Variants in KIAA0825 observed in about 807,000 individuals in gnomAD.
The protein encoded by KIAA0825 is KIAA0825, also known as uncharacterized protein KIAA0825.
A neutral mutation model predicts 147.6 loss-of-function variants in KIAA0825; 119 were observed. That is an observed-to-expected ratio of 0.81 (90% CI 0.69 to 0.94). The LOEUF (loss-of-function observed/expected upper bound fraction) is 0.94, where lower values mean the gene tolerates loss of function less well. KIAA0825 is among the 40% of genes least tolerant of loss of function. The pLI is 0.00. For missense variants in KIAA0825, 1,381 were observed against 1,472.7 expected (o/e 0.94, Z 1.02); for synonymous variants, 470 against 518.1 (o/e 0.91, Z 1.26).
chr5:94,431,606 C>A (rs1163002477), intron 14 of KIAA0825, among the ~76,000 whole-genome samples: 3 of 152,092 alleles, frequency 2.0e-5, no homozygotes, highest in Non-Finnish European at 4.4e-5. Flanking sequence ...AACATTTATG[C>A]TAAAAGGTGA....
At chr5:94,246,643 T>A (rs1775629724) in intron 20 of KIAA0825, among the ~76,000 whole-genome samples, 1 of 152,190 alleles carries the variant, frequency 6.6e-6, no homozygotes, top group Non-Finnish European at 1.5e-5. Flanking sequence ...TGGTGATCAC[T>A]CCATAGCTAT....
At position 94,437,256 on chromosome 5, in the gene KIAA0825, T is replaced by G. The variant is rs1371082836; in HGVS notation, c.2497+2726A>C. On this transcript the variant is annotated intron_variant, in intron 14 of 20. Transcript: ENST00000682413. Reference sequence around the variant, plus strand: ...CATAATAATTTCTATATTAGTATAATTAACAAGATTCCATGAATATATTGT... The same window carrying G: ...CATAATAATTTCTATATTAGTATAAGTAACAAGATTCCATGAATATATTGT... Among the ~76,000 whole-genome samples, 4 of 152,208 alleles carry G rather than the reference T, an allele frequency of 2.6e-5. No homozygotes were observed. The East Asian group carries it at 7.7e-4, about 29-fold the overall frequency.
intron 5 of KIAA0825, among the ~76,000 whole-genome samples, chr5:94,499,148 T>C (rs1764729309): frequency 6.6e-6 from 1 of 152,024 alleles, no homozygotes; most frequent in African/African-American, 2.4e-5. Flanking sequence ...TGCTCCAGGG[T>C]GGAGCTGGGA....
At chr5:94,450,527 G>A (rs993428634) in intron 13 of KIAA0825, among the ~76,000 whole-genome samples, 10 of 151,818 alleles carry the variant, frequency 6.6e-5, no homozygotes, top group African/African-American at 2.4e-4. Context: ...CCAGCATCTG[G>A]TGAGGCCATC....
chr5:94,220,342 A>C (rs1773571637), intron 20 of KIAA0825, among the ~76,000 whole-genome samples: 1 of 152,128 alleles, frequency 6.6e-6, no homozygotes, highest in Non-Finnish European at 1.5e-5. Context: ...GGATCCACCT[A>C]AGGCTGTTTT....
intron 20 of KIAA0825, among the ~76,000 whole-genome samples, chr5:94,165,209 A>G (rs1475072087): frequency 6.6e-6 from 1 of 152,224 alleles, no homozygotes; most frequent in African/African-American, 2.4e-5. Context: ...AGATTTGAAT[A>G]GAAATTTTTC....
At chr5:94,250,568 T>G (rs1286719103) in intron 20 of KIAA0825, among the ~76,000 whole-genome samples, 1 of 152,102 alleles carries the variant, frequency 6.6e-6, no homozygotes, top group Non-Finnish European at 1.5e-5. Context: ...TAACCTTGGT[T>G]GAATTAACCG....
At chr5:94,359,747 T>C (rs1233510214) in intron 20 of KIAA0825, among the ~76,000 whole-genome samples, 1 of 152,178 alleles carries the variant, frequency 6.6e-6, no homozygotes, top group African/African-American at 2.4e-5. Context: ...AATGGGAAAA[T>C]TAAGATTTCT....
chr5:94,177,964 A>C (rs1769258309), intron 20 of KIAA0825, among the ~76,000 whole-genome samples: 1 of 152,094 alleles, frequency 6.6e-6, no homozygotes, highest in Non-Finnish European at 1.5e-5. Flanking sequence ...TGAATTAATA[A>C]ATGGCAGTAT....
chr5:94,240,896 C>CATTGCTA (rs2150103932), intron 20 of KIAA0825, among the ~76,000 whole-genome samples: 1 of 152,210 alleles, frequency 6.6e-6, no homozygotes, highest in African/African-American at 2.4e-5. Context: ...TAATTTTGGT[C>CATTGCTA]ATTGCTATTG....
At chr5:94,522,874 T>A (rs1421226925) in intron 4 of KIAA0825, among the ~76,000 whole-genome samples, 1 of 151,708 alleles carries the variant, frequency 6.6e-6, no homozygotes, top group Non-Finnish European at 1.5e-5. Context: ...GCGTTTGCTT[T>A]TAATTAAATG....
At chr5:94,297,509 A>G (rs1220235010) in intron 20 of KIAA0825, among the ~76,000 whole-genome samples, 1 of 152,160 alleles carries the variant, frequency 6.6e-6, no homozygotes, top group Non-Finnish European at 1.5e-5. Context: ...TACTGTTTTT[A>G]TTGACATTAT....
Position 94,471,453 on chromosome 5 carries a change from A to T in KIAA0825, c.1721+13T>A. The T allele has an allele frequency of 6.4e-7, 1 of 1,550,448 alleles. No homozygotes were observed. Among genetic ancestry groups the T allele is most frequent in the Non-Finnish European group, 8.7e-7 (1 of 1,145,970 alleles). On this transcript the variant is annotated intron_variant, in intron 9 of 20. Transcript: ENST00000682413. Reference sequence around the variant, plus strand: ...TTAAGCGTGGCCATCATCTTAATTTAAACAACACTCACTTTTTAGTCATTT... The same window carrying T: ...TTAAGCGTGGCCATCATCTTAATTTTAACAACACTCACTTTTTAGTCATTT...
chr5:94,590,863 C>T (rs1784227167), intron 1 of KIAA0825, among the ~76,000 whole-genome samples: 1 of 151,936 alleles, frequency 6.6e-6, no homozygotes. Flanking sequence ...ATAATAAAAA[C>T]AGTTTCTTTA....
chr5:94,179,372 T>C (rs1769394452), intron 20 of KIAA0825, among the ~76,000 whole-genome samples: 2 of 151,974 alleles, frequency 1.3e-5, no homozygotes, highest in Non-Finnish European at 2.9e-5. Context: ...CAAAGCAACA[T>C]TGAAGGGAAT....
intron 10 of KIAA0825, among the ~76,000 whole-genome samples, chr5:94,467,965 G>T (rs957308626): frequency 1.3e-5 from 2 of 151,970 alleles, no homozygotes; most frequent in African/African-American, 4.8e-5. Flanking sequence ...TCTTATTTTT[G>T]ATACACAAAA....
intron 20 of KIAA0825, among the ~76,000 whole-genome samples, chr5:94,231,227 G>C (rs552406583): frequency 6.6e-6 from 1 of 151,998 alleles, no homozygotes; most frequent in Non-Finnish European, 1.5e-5. Flanking sequence ...TCTCAACAGG[G>C]CATCAAGGTA....
At chr5:94,439,287 C>T (rs1166297384) in intron 14 of KIAA0825, among the ~76,000 whole-genome samples, 17 of 151,956 alleles carry the variant, frequency 1.1e-4, no homozygotes, top group African/African-American at 4.8e-5. Context: ...GCTTGTGGTA[C>T]GTAATAGGAG....
At chr5:94,596,233 T>G (rs1225708634) in intron 1 of KIAA0825, among the ~76,000 whole-genome samples, 1 of 152,232 alleles carries the variant, frequency 6.6e-6, no homozygotes, top group Non-Finnish European at 1.5e-5. Flanking sequence ...ATTTAAGTCT[T>G]TAATCCATTT....
Sources: gnomAD v4.1 joint callset for allele counts (sites outside exome capture counted in the v4.1 genomes callset) on GRCh38, gnomAD v4.1.1 for gene constraint, MANE v1.5 for transcripts, NCBI Gene and HGNC (gene_info 2026-07-23, HGNC 2026-07-21) for gene names.